The following SLC6A7 variants were observed in gnomAD, a reference collection of about 807,000 sequenced individuals.
SLC6A7 encodes solute carrier family 6 member 7.
SLC6A7 carries 58 observed loss-of-function variants against 73.1 expected under a neutral mutation model. That is an observed-to-expected ratio of 0.79 (90% CI 0.64 to 0.99). The LOEUF (loss-of-function observed/expected upper bound fraction) is 0.99, where lower values mean the gene tolerates loss of function less well. Ranked by LOEUF, SLC6A7 falls within the 50% of genes least tolerant of loss-of-function variation. The pLI is 0.00. For synonymous variants in SLC6A7, 338 were observed against 338.7 expected (o/e 1.00, Z 0.02); for missense variants, 783 against 831.4 (o/e 0.94, Z 0.72).
At chr5:150,206,500 C>T (rs1753707724) in intron 13 of SLC6A7, among the ~76,000 whole-genome samples, 2 of 152,224 alleles carry the variant, frequency 1.3e-5, no homozygotes, top group Admixed American at 6.5e-5. Flanking sequence ...CACCCCACCC[C>T]ACAGTCTGCT....
chr5:150,203,282 CAT>C (rs1753487278), intron 8 of SLC6A7, among the ~76,000 whole-genome samples: 1 of 152,078 alleles, frequency 6.6e-6, no homozygotes, highest in South Asian at 2.1e-4. Context: ...ACAAATAAGT[CAT>C]ATTGTGTGTG....
At position 150,205,510 on chromosome 5, in the gene SLC6A7, C is replaced by A. The variant is rs757435115; in HGVS notation, c.1588C>A (p.Arg530Ser). The change falls in exon 13 of 14, where the codon CGC becomes AGC. Residue 530 changes from arginine to serine, a missense_variant. Arg to Ser is a moderately radical substitution (Grantham distance 110). Transcript: ENST00000230671. ...KYQPSEYGSY[R>S]FPPWAELLGI... ...CCAGCCCTCGGAGTATGGCAGTTAC[C>A]GCTTCCCGCCCTGGGCTGAGCTGCT... The A allele has an allele frequency of 6.2e-7, 1 of 1,613,436 alleles. No individual in the cohort carries two copies. Among genetic ancestry groups the A allele is most frequent in the Non-Finnish European group, 8.5e-7 (1 of 1,179,644 alleles).
intron 4 of SLC6A7, among the ~76,000 whole-genome samples, chr5:150,197,515 A>G (rs908226938): frequency 1.3e-5 from 2 of 152,218 alleles, no homozygotes; most frequent in African/African-American, 4.8e-5. Flanking sequence ...TATCTCAGAA[A>G]GGTTGTTGTG....
chr5:150,204,109 C>T, intron 10 of SLC6A7, 71 bp downstream of exon 10: 10 of 1,487,194 alleles, frequency 6.7e-6, no homozygotes, highest in Non-Finnish European at 7.4e-6. Context: ...GATCTCTGGC[C>T]CAGCTGAGCA....
intron 1 of SLC6A7, among the ~76,000 whole-genome samples, chr5:150,191,058 G>A (rs1405951271): frequency 6.6e-6 from 1 of 152,190 alleles, no homozygotes; most frequent in Non-Finnish European, 1.5e-5. Flanking sequence ...TCAGGATATG[G>A]GGAGGGGGAA....
Position 150,204,943 on chromosome 5 carries a change from G to T in SLC6A7, c.1533+16G>T. On this transcript the variant is annotated intron_variant, in intron 12 of 13. Coordinates refer to ENST00000230671, the MANE Select transcript of SLC6A7 (RefSeq NM_014228.5). ...CACGCTCTTGGTAACTGGGGAGGGC[G>T]GGAGGGTTTCTGGCTGGGGCCCCAG... is the stretch of plus-strand genomic sequence containing the variant. 5 of 1,364,206 alleles carry T rather than the reference G, an allele frequency of 3.7e-6. No individual in the cohort carries two copies. The South Asian group carries it at 5.8e-5, about 16-fold the overall frequency. 84.5% of individuals were successfully genotyped at this position (1,364,206 alleles called of 1,614,324 possible). A position where few individuals can be genotyped will look rare whatever the true frequency, so the allele number is the denominator to read the frequency against.
At chr5:150,200,905 C>T (rs960310047) in intron 5 of SLC6A7, among the ~76,000 whole-genome samples, 184 bp from the exon 6 acceptor site, 6 of 152,048 alleles carry the variant, frequency 3.9e-5, no homozygotes, top group Non-Finnish European at 8.8e-5. Context: ...CCTTGGGAAG[C>T]AAGGTGGTGG....
At chr5:150,190,393 A>T in intron 1 of SLC6A7, 33 bp downstream of exon 1, 1 of 1,461,218 alleles carries the variant, frequency 6.8e-7, no homozygotes, top group Non-Finnish European at 9.1e-7. Context: ...CTGGGGGTGC[A>T]CCTGGAGGAG....
At chr5:150,194,230 C>T (rs909104838) in intron 1 of SLC6A7, among the ~76,000 whole-genome samples, 2 of 152,058 alleles carry the variant, frequency 1.3e-5, no homozygotes, top group African/African-American at 4.8e-5. Flanking sequence ...GAGACCAAGA[C>T]CATCCTGGCT....
chr5:150,209,293 G>A, intron 13 of SLC6A7, 113 bp from the exon 14 acceptor site: 1 of 873,680 alleles, frequency 1.1e-6, no homozygotes, highest in Non-Finnish European at 1.9e-6. Flanking sequence ...GGGGGCTGTG[G>A]CCAGGACTCC....
At chr5:150,193,160 A>G (rs1370210588) in intron 1 of SLC6A7, among the ~76,000 whole-genome samples, 1 of 152,222 alleles carries the variant, frequency 6.6e-6, no homozygotes, top group Admixed American at 6.5e-5. Flanking sequence ...ATCGTCACCC[A>G]TAATAATGTC....
chr5:150,208,462 G>C (rs536040168), intron 13 of SLC6A7, among the ~76,000 whole-genome samples: 3 of 152,268 alleles, frequency 2.0e-5, no homozygotes, highest in African/African-American at 7.2e-5. Context: ...CAGGGAGGTA[G>C]GCAGGGGCCA....
chr5:150,199,448 T>A, intron 5 of SLC6A7, 82 bp downstream of exon 5: 2 of 945,208 alleles, frequency 2.1e-6, no homozygotes, highest in South Asian at 3.3e-5. Context: ...GGACTGAGCA[T>A]GAGAAGATGA....
At chr5:150,199,806 G>T (rs1753275100) in intron 5 of SLC6A7, among the ~76,000 whole-genome samples, 1 of 152,168 alleles carries the variant, frequency 6.6e-6, no homozygotes, top group African/African-American at 2.4e-5. Context: ...TCAGGAAGCT[G>T]GTTCTCTGGG....
Position 150,204,010 on chromosome 5 carries a change from A to G in SLC6A7, c.1304A>G (p.Tyr435Cys). 3 of 1,613,396 alleles carry G rather than the reference A, an allele frequency of 1.9e-6. No individual in the cohort carries two copies. The highest frequency in any genetic ancestry group is 2.5e-6 in the Non-Finnish European group (3 of 1,179,760). The stretch of plus-strand genomic sequence containing the variant: ...TCAGGGCTCATCTGCGTGGCCATGT[A>G]CCTGATGGGGCTGATCCTCACCACT... ...VFSGLICVAM[Y>C]LMGLILTTDG... The change falls in exon 10 of 14, where the codon TAC becomes TGC. Residue 435 changes from tyrosine (Y) to cysteine (C), a missense_variant. Physicochemically the swap from Tyr to Cys is radical, Grantham distance 194. Coordinates refer to ENST00000230671, the MANE Select transcript of SLC6A7 (RefSeq NM_014228.5).
In SLC6A7 at chr5:150,199,304, C is replaced by T. The variant is rs1159815702; in HGVS notation, c.661C>T (p.Leu221=). The T allele has an allele frequency of 6.2e-7, 1 of 1,614,174 alleles. No homozygotes were observed. The highest frequency in any genetic ancestry group is 8.5e-7 in the Non-Finnish European group (1 of 1,180,006). ...GATCCGCTGGAACCTCTGCCTCTGC[C>T]TGCTGCTGGCCTGGGTCATCGTGTT... ...GEIRWNLCLC[L]LLAWVIVFLC... is the part of the protein sequence containing the mutation. The change falls in exon 5 of 14, where the codon CTG becomes TTG. Residue 221 remains leucine, a synonymous_variant. Transcript: ENST00000230671.
chr5:150,209,812 C>T lies in SLC6A7; in HGVS notation c.*197C>T. ...CCTCTGACAACCCCCTACACACACA[C>T]ACAGGCATACTCAGACCCACTCAAA... On this transcript the variant is annotated 3_prime_UTR_variant, in exon 14 of 14. Coordinates refer to ENST00000230671, the MANE Select transcript of SLC6A7 (RefSeq NM_014228.5). 1 of 605,884 alleles carries T rather than the reference C, an allele frequency of 1.7e-6. No individual in the cohort carries two copies. Among genetic ancestry groups the T allele is most frequent in the Non-Finnish European group, 3.0e-6 (1 of 336,554 alleles). 37.5% of individuals were successfully genotyped at this position (605,884 alleles called of 1,614,324 possible). A position where few individuals can be genotyped will look rare whatever the true frequency, so the allele number is the denominator to read the frequency against.
intron 1 of SLC6A7, among the ~76,000 whole-genome samples, chr5:150,192,042 G>A (rs530701698): frequency 1.3e-5 from 2 of 152,000 alleles, no homozygotes; most frequent in Admixed American, 1.3e-4. Flanking sequence ...AGGGCAGAGG[G>A]TTGGTTCTAG....
intron 4 of SLC6A7, among the ~76,000 whole-genome samples, chr5:150,198,097 AAGAAAGAAAGAAAGAAAGAGAAAG>A (rs1406265465): frequency 2.2e-4 from 24 of 108,186 alleles, no homozygotes; most frequent in African/African-American, 2.8e-4. Flanking sequence ...GAAAGAAAGA[AAGAAAGAAAGAAAGAAAGAGAAAG>A]AAAGAAAGAA....
Sources: allele counts gnomAD v4.1 joint callset (sites outside exome capture counted in the v4.1 genomes callset), GRCh38; gene constraint gnomAD v4.1.1; transcripts MANE v1.5; gene names NCBI Gene and HGNC (gene_info 2026-07-23, HGNC 2026-07-21).